Variants in WDPCP observed in about 807,000 individuals in gnomAD.
WDPCP encodes the protein WD repeat containing planar cell polarity effector.
A neutral mutation model predicts 93.1 loss-of-function variants in WDPCP; 71 were observed. The observed-to-expected ratio is 0.76, with a 90% CI of 0.63 to 0.93. WDPCP has a LOEUF of 0.93. WDPCP is among the 40% of genes least tolerant of loss of function. The pLI, the probability that WDPCP is intolerant of heterozygous loss-of-function variation, is 0.00. For missense variants in WDPCP, 844 were observed against 887.4 expected (o/e 0.95, Z 0.62); for synonymous variants, 315 against 315.0 (o/e 1.00, Z 0.00).
chr2:63,412,779 T>C (rs1695114529), intron 9 of WDPCP, among the ~76,000 whole-genome samples: 1 of 124,360 alleles, frequency 8.0e-6, no homozygotes, highest in Admixed American at 8.1e-5. Flanking sequence ...TTATAATAGC[T>C]GCAAAAAAAA....
chr2:63,623,029 C>T (rs1408560263), intron 3 of WDPCP, among the ~76,000 whole-genome samples: 3 of 152,190 alleles, frequency 2.0e-5, no homozygotes, highest in Admixed American at 6.5e-5. Flanking sequence ...GGCGCAGCCC[C>T]GCTCAACATT....
chr2:63,182,605 T>C lies in WDPCP; in HGVS notation c.1916-7773A>G, dbSNP rs1674330412. Among the ~76,000 whole-genome samples the C allele has an allele frequency of 4.6e-5, 7 of 152,100 alleles. No individual in the cohort carries two copies. The South Asian group carries it at 1.5e-3, about 32-fold the overall frequency. ...CAGAGATTTTGGTCTATAGTTTTCA[T>C]TTTTTGTTGTGTGCTAGTCCGGCTT... On this transcript the variant is annotated intron_variant, in intron 14 of 17. Coordinates refer to ENST00000272321, the MANE Select transcript of WDPCP (RefSeq NM_015910.7).
chr2:63,687,372 G>A (rs1269293967), intron 2 of WDPCP, among the ~76,000 whole-genome samples: 1 of 152,192 alleles, frequency 6.6e-6, no homozygotes, highest in Non-Finnish European at 1.5e-5. Flanking sequence ...AGCAATGGAA[G>A]CAATCAACAA....
intron 1 of WDPCP, among the ~76,000 whole-genome samples, chr2:63,514,387 G>T (rs755670403): frequency 1.3e-4 from 20 of 152,048 alleles, no homozygotes; most frequent in Admixed American, 2.0e-4. Flanking sequence ...TAATGTCTTG[G>T]TGAGCATCCC....
chr2:63,382,002 T>C lies in WDPCP; in HGVS notation c.1528A>G (p.Ser510Gly). The C allele has an allele frequency of 6.2e-7, 1 of 1,613,548 alleles. No homozygotes were observed. Among genetic ancestry groups the C allele is most frequent in the Non-Finnish European group, 8.5e-7 (1 of 1,179,728 alleles). ...EIYEAINILS[S>G]MNWDTLGHQC... The stretch of plus-strand genomic sequence containing the variant: ...TGGCCCAGAGTGTCCCAGTTCATGC[T>C]GCTCAGGATGTTTATTGCCTCATAG... Residue 510 changes from serine to glycine, a missense_variant, in exon 11 of 18, where the codon AGC becomes GGC. By Grantham distance (56) the Ser-to-Gly change is moderately conservative. Transcript: ENST00000272321.
chr2:63,444,771 C>T (rs1697736817), intron 6 of WDPCP, among the ~76,000 whole-genome samples: 1 of 152,194 alleles, frequency 6.6e-6, no homozygotes, highest in Non-Finnish European at 1.5e-5. Flanking sequence ...AAATGTTGTG[C>T]AGGAGATAAC....
intron 1 of WDPCP, among the ~76,000 whole-genome samples, chr2:63,550,807 A>ATATGTG (rs1705575734): frequency 6.7e-6 from 1 of 148,362 alleles, no homozygotes; most frequent in African/African-American, 2.4e-5. Flanking sequence ...ATATATATAC[A>ATATGTG]CACCCATAGA....
intron 9 of WDPCP, among the ~76,000 whole-genome samples, chr2:63,425,995 C>G (rs1402938608): frequency 6.6e-6 from 1 of 152,102 alleles, no homozygotes; most frequent in Non-Finnish European, 1.5e-5. Context: ...AGGTCACTTA[C>G]AAAGGGAACT....
intron 9 of WDPCP, among the ~76,000 whole-genome samples, chr2:63,409,556 G>C (rs915820065): frequency 6.6e-6 from 1 of 152,058 alleles, no homozygotes; most frequent in Non-Finnish European, 1.5e-5. Context: ...AGAAATCCCT[G>C]ATTTACCTGA....
chr2:63,802,322 G>C (rs1025397239), intron 2 of WDPCP, among the ~76,000 whole-genome samples: 1 of 53,384 alleles, frequency 1.9e-5, no homozygotes, highest in African/African-American at 6.1e-5. Flanking sequence ...AAAAAAAAAA[G>C]ATTTATTATT....
intron 1 of WDPCP, among the ~76,000 whole-genome samples, chr2:63,545,123 A>G (rs915037473): frequency 4.6e-5 from 7 of 152,144 alleles, no homozygotes; most frequent in African/African-American, 1.7e-4. Flanking sequence ...AGCCAATCCT[A>G]TTCCTTTTCT....
intron 6 of WDPCP, among the ~76,000 whole-genome samples, chr2:63,476,810 T>C (rs574133991): frequency 1.3e-5 from 2 of 152,226 alleles, no homozygotes; most frequent in Middle Eastern, 3.4e-3. Flanking sequence ...AAAAGAAAAA[T>C]CAAGTTCTAC....
At chr2:63,325,067 T>C (rs774399128) in intron 12 of WDPCP, among the ~76,000 whole-genome samples, 1 of 152,122 alleles carries the variant, frequency 6.6e-6, no homozygotes, top group Non-Finnish European at 1.5e-5. Context: ...AAACAAAATC[T>C]GGAGGCATTA....
intron 17 of WDPCP, among the ~76,000 whole-genome samples, chr2:63,149,741 C>T (rs960885131): frequency 5.3e-5 from 8 of 152,244 alleles, no homozygotes; most frequent in African/African-American, 1.7e-4. Flanking sequence ...AAGAAGAATG[C>T]ACTATGTTTC....
intron 13 of WDPCP, among the ~76,000 whole-genome samples, chr2:63,310,268 T>G (rs774519099): frequency 6.6e-6 from 1 of 152,150 alleles, no homozygotes; most frequent in Non-Finnish European, 1.5e-5. Context: ...ATTATGCAGC[T>G]AATAACTGAG....
At chr2:63,787,303 C>T (rs1337310517) in intron 2 of WDPCP, among the ~76,000 whole-genome samples, 3 of 152,184 alleles carry the variant, frequency 2.0e-5, no homozygotes, top group African/African-American at 7.2e-5. Flanking sequence ...AATGTTTCTT[C>T]TTTGTAATTT....
intron 2 of WDPCP, among the ~76,000 whole-genome samples, chr2:63,808,806 G>A (rs896226628): frequency 5.4e-5 from 8 of 149,294 alleles, no homozygotes; most frequent in South Asian, 2.1e-4. Flanking sequence ...GCCGCCCATC[G>A]TCTGGGACAT....
At chr2:63,574,000 T>C (rs1707738721) in intron 1 of WDPCP, among the ~76,000 whole-genome samples, 1 of 152,204 alleles carries the variant, frequency 6.6e-6, no homozygotes, top group Admixed American at 6.5e-5. Flanking sequence ...AGACTGGTTG[T>C]CTGCTCTTAA....
intron 2 of WDPCP, among the ~76,000 whole-genome samples, chr2:63,763,309 G>A (rs575616933): frequency 6.6e-6 from 1 of 152,104 alleles, no homozygotes; most frequent in African/African-American, 2.4e-5. Context: ...TTTGAGACCA[G>A]CCTGGCCGAT....
Sources: allele counts gnomAD v4.1 joint callset (sites outside exome capture counted in the v4.1 genomes callset), GRCh38; gene constraint gnomAD v4.1.1; transcripts MANE v1.5; gene names NCBI Gene and HGNC (gene_info 2026-07-23, HGNC 2026-07-21).